The following RIMS1 variants were observed in gnomAD, a reference collection of about 807,000 sequenced individuals.
RIMS1 encodes regulating synaptic membrane exocytosis protein 1.
RIMS1 carries 83 observed loss-of-function variants against 214.1 expected under a neutral mutation model. The ratio of observed to expected loss-of-function variants is 0.39; its 90% confidence interval spans 0.32 to 0.47. The LOEUF (loss-of-function observed/expected upper bound fraction) is 0.47. Among genes scored for constraint, RIMS1 ranks in the 20% least tolerant of loss-of-function variants. The probability of loss-of-function intolerance (pLI) is 0.99; values close to 1 mark genes in which losing one functional copy is unlikely to be tolerated. For synonymous variants in RIMS1, 793 were observed against 786.8 expected (o/e 1.01, Z -0.13); for missense variants, 2,050 against 2,161.8 (o/e 0.95, Z 1.03).
chr6:72,313,601 C>A lies in RIMS1; in HGVS notation c.4059C>A (p.Thr1353=). ...DVSDVSAISR[T]SSASRLSSTS... is the part of the protein sequence containing the mutation. ...GTGATGTTTCCGCCATTTCCCGAACCAGCAGTGCCTCACGCCTCAGCAGCA... is the reference window on the plus strand; with the variant it reads ...GTGATGTTTCCGCCATTTCCCGAACAAGCAGTGCCTCACGCCTCAGCAGCA... Residue 1353 remains threonine, a synonymous_variant, in exon 28 of 34, where the codon ACC becomes ACA. Transcript: ENST00000521978. The A allele has an allele frequency of 6.2e-7, 1 of 1,613,760 alleles. No homozygotes were observed. The highest frequency in any genetic ancestry group is 8.5e-7 in the Non-Finnish European group (1 of 1,179,794).
intron 6 of RIMS1, among the ~76,000 whole-genome samples, chr6:72,232,268 A>G (rs890011960): frequency 3.3e-5 from 5 of 151,844 alleles, no homozygotes; most frequent in East Asian, 3.9e-4. Flanking sequence ...ACAAATTGCA[A>G]TAATTACCTT....
At chr6:72,167,054 T>C (rs1042258122) in intron 4 of RIMS1, among the ~76,000 whole-genome samples, 2 of 152,024 alleles carry the variant, frequency 1.3e-5, no homozygotes, top group African/African-American at 4.8e-5. Flanking sequence ...CTGTTAGTGG[T>C]AGGTTTTTTG....
intron 4 of RIMS1, among the ~76,000 whole-genome samples, chr6:72,143,205 G>A (rs2042290272): frequency 6.6e-6 from 1 of 152,118 alleles, no homozygotes. Context: ...AAGACTATGA[G>A]CAGAAAGATA....
intron 24 of RIMS1, among the ~76,000 whole-genome samples, chr6:72,286,536 A>G (rs2092340526): frequency 6.6e-6 from 1 of 152,174 alleles, no homozygotes; most frequent in South Asian, 2.1e-4. Flanking sequence ...AACCTTTTAG[A>G]TGTGTTTGAT....
intron 1 of RIMS1, among the ~76,000 whole-genome samples, chr6:71,942,531 A>G (rs1184838231): frequency 6.6e-6 from 1 of 152,176 alleles, no homozygotes. Context: ...TATTTTATGT[A>G]CATTATATAT....
rs1246212141 is a variant in RIMS1, at chr6:72,373,457, G to A, written c.4367-17141G>A. Among the ~76,000 whole-genome samples, 3 of 152,120 alleles carry A rather than the reference G, an allele frequency of 2.0e-5. No individual in the cohort carries two copies. In the East Asian group the frequency reaches 5.8e-4, roughly 29 times the overall value. On this transcript the variant is annotated intron_variant, in intron 29 of 33. Coordinates refer to ENST00000521978, the MANE Select transcript of RIMS1 (RefSeq NM_014989.7). ...GAACCAGAATCAAACATTTTTGTGTGTGATTAACACTGAACACACCTCCTA... is the reference window on the plus strand; with the variant it reads ...GAACCAGAATCAAACATTTTTGTGTATGATTAACACTGAACACACCTCCTA...
At chr6:71,924,566 G>A (rs1181256947) in intron 1 of RIMS1, among the ~76,000 whole-genome samples, 2 of 148,518 alleles carry the variant, frequency 1.3e-5, no homozygotes, top group African/African-American at 2.5e-5. Context: ...GGCAAAGACC[G>A]ACTGATTGCT....
chr6:72,141,736 A>C (rs893834236), intron 4 of RIMS1, among the ~76,000 whole-genome samples: 3 of 152,014 alleles, frequency 2.0e-5, no homozygotes, highest in African/African-American at 7.2e-5. Flanking sequence ...ATAGTGAAAA[A>C]AATCTTTGGT....
At chr6:72,180,406 T>C (rs1319613429) in intron 5 of RIMS1, among the ~76,000 whole-genome samples, 1 of 152,212 alleles carries the variant, frequency 6.6e-6, no homozygotes, top group African/African-American at 2.4e-5. Context: ...CACAGGCACA[T>C]GGCCTGAAGG....
chr6:72,233,687 C>CT (rs1303691564), intron 6 of RIMS1, 86 bp from the exon 7 acceptor site: 34 of 982,168 alleles, frequency 3.5e-5, no homozygotes, highest in South Asian at 2.2e-4. Flanking sequence ...TATTAAAACT[C>CT]TTTATAGATC....
At chr6:71,953,167 T>C in intron 1 of RIMS1, among the ~76,000 whole-genome samples, 1 of 152,036 alleles carries the variant, frequency 6.6e-6, no homozygotes, top group East Asian at 1.9e-4. Flanking sequence ...TTTTATATTT[T>C]TAGTAGAGAC....
At chr6:71,902,890 G>A (rs1386933386) in intron 1 of RIMS1, among the ~76,000 whole-genome samples, 2 of 152,120 alleles carry the variant, frequency 1.3e-5, no homozygotes, top group East Asian at 1.9e-4. Flanking sequence ...GTATTCTGTG[G>A]CGTATATGTT....
chr6:72,369,176 T>G (rs2098137786), intron 29 of RIMS1, among the ~76,000 whole-genome samples: 1 of 151,684 alleles, frequency 6.6e-6, no homozygotes, highest in South Asian at 2.1e-4. Context: ...TAAGCTGTTA[T>G]GGTTGTACCA....
chr6:72,016,095 G>A (rs530733834), intron 2 of RIMS1, among the ~76,000 whole-genome samples: 3 of 152,242 alleles, frequency 2.0e-5, no homozygotes, highest in African/African-American at 7.2e-5. Context: ...TTCTATGAAT[G>A]TGATATATTA....
intron 2 of RIMS1, among the ~76,000 whole-genome samples, chr6:72,094,712 A>T (rs984075901): frequency 6.6e-6 from 1 of 152,184 alleles, no homozygotes; most frequent in African/African-American, 2.4e-5. Context: ...AAATATTTAC[A>T]ATCTGGCTTT....
chr6:71,893,368 A>G (rs1770575136), intron 1 of RIMS1, among the ~76,000 whole-genome samples: 1 of 152,118 alleles, frequency 6.6e-6, no homozygotes, highest in African/African-American at 2.4e-5. Context: ...TTAGCACAAA[A>G]AGCAATGTGG....
rs114705054 is a variant in RIMS1 at position 72,077,018 on chromosome 6, T to G, written c.246-19931T>G. Among the ~76,000 whole-genome samples, 1,377 of 152,308 alleles carry G rather than the reference T, an allele frequency of 9.0e-3. 16 individuals carry two copies. Among genetic ancestry groups the G allele is most frequent in the African/African-American group, 0.031 (1,309 of 41,564 alleles). ...CCTTCTTGACTTCATGTAACTGACC[T>G]TATCTCCAATCCCCACTCCACTCTG... is the stretch of plus-strand genomic sequence containing the variant. On this transcript the variant is annotated intron_variant, in intron 2 of 33. Coordinates refer to ENST00000521978, the MANE Select transcript of RIMS1 (RefSeq NM_014989.7).
At chr6:71,915,188 T>C (rs9446508) in intron 1 of RIMS1, among the ~76,000 whole-genome samples, 2,816 of 152,262 alleles carry the variant, frequency 0.018, 41 homozygotes, top group East Asian at 0.048. Context: ...TATTGACAAC[T>C]TTTCTATTTA....
chr6:72,006,658 C>T (rs1016819193), intron 2 of RIMS1, among the ~76,000 whole-genome samples: 15 of 152,300 alleles, frequency 9.8e-5, no homozygotes, highest in East Asian at 3.9e-4. Flanking sequence ...TCTTAGCAAA[C>T]GGCACACCAG....
Sources: allele counts gnomAD v4.1 joint callset (sites outside exome capture counted in the v4.1 genomes callset), GRCh38; gene constraint gnomAD v4.1.1; transcripts MANE v1.5; gene names NCBI Gene and HGNC (gene_info 2026-07-23, HGNC 2026-07-21).